The following FAM13C variants were observed in gnomAD, a reference collection of about 807,000 sequenced individuals.
FAM13C encodes the protein protein FAM13C.
In FAM13C, 37 loss-of-function variants were observed where a neutral mutation model predicts 73.2. The ratio of observed to expected loss-of-function variants is 0.51; its 90% CI spans 0.39 to 0.67. The LOEUF (loss-of-function observed/expected upper bound fraction) is 0.67. Among genes scored for constraint, FAM13C ranks in the 30% least tolerant of loss-of-function variants. The pLI, the probability that FAM13C is intolerant of heterozygous loss-of-function variation, is 0.00. For synonymous variants in FAM13C, 246 were observed against 260.9 expected, an observed-to-expected ratio of 0.94 and a Z score of 0.55; for missense variants, 589 against 715.6, an observed-to-expected ratio of 0.82 and a Z score of 2.02.
intron 4 of FAM13C, among the ~76,000 whole-genome samples, chr10:59,318,193 C>T (rs58830850): frequency 0.01 from 1,540 of 151,988 alleles, 40 homozygotes; most frequent in African/African-American, 0.035. Flanking sequence ...GAGAATGTTT[C>T]TAAGTTTCCC....
At chr10:59,283,267 T>C (rs1845140145) in intron 6 of FAM13C, 96 bp downstream of exon 6, 3 of 1,324,190 alleles carry the variant, frequency 2.3e-6, no homozygotes, top group Non-Finnish European at 3.2e-6. Context: ...CCCCAGGCAC[T>C]GTTTTCCCTC....
intron 3 of FAM13C, among the ~76,000 whole-genome samples, chr10:59,331,767 T>C (rs1852020186): frequency 6.6e-6 from 1 of 152,112 alleles, no homozygotes; most frequent in Non-Finnish European, 1.5e-5. Flanking sequence ...GCTAAAAAGA[T>C]ATTAAAGAGA....
At chr10:59,291,702 T>A (rs1846238799) in intron 5 of FAM13C, among the ~76,000 whole-genome samples, 2 of 152,206 alleles carry the variant, frequency 1.3e-5, no homozygotes, top group East Asian at 3.9e-4. Context: ...CACCTCATTA[T>A]GATATCCTTG....
chr10:59,288,337 T>C (rs563749038), intron 5 of FAM13C, among the ~76,000 whole-genome samples: 57 of 152,158 alleles, frequency 3.7e-4, no homozygotes, highest in South Asian at 1.5e-3. Flanking sequence ...ACTAAAAATA[T>C]AAAACTTTAG....
chr10:59,256,489 G>A (rs1370610077), intron 10 of FAM13C, among the ~76,000 whole-genome samples: 1 of 152,168 alleles, frequency 6.6e-6, no homozygotes, highest in Admixed American at 6.5e-5. Flanking sequence ...TCGGGAACAA[G>A]TACAATGTAT....
At chr10:59,329,425 T>C (rs1294066520) in intron 3 of FAM13C, among the ~76,000 whole-genome samples, 1 of 138,844 alleles carries the variant, frequency 7.2e-6, no homozygotes, top group Non-Finnish European at 1.5e-5. Flanking sequence ...AATGATACGA[T>C]CTCGACTCAC....
At chr10:59,319,681 T>A (rs923556077) in intron 4 of FAM13C, among the ~76,000 whole-genome samples, 13 of 152,170 alleles carry the variant, frequency 8.5e-5, no homozygotes, top group African/African-American at 3.1e-4. Context: ...CTTGGTTCTA[T>A]TAGTAAGGGA....
At position 59,268,607 on chromosome 10, in the gene FAM13C, G is replaced by A; in HGVS notation, c.888C>T (p.Leu296=). 6.2e-7 allele frequency: 1 copy of A among 1,613,760 alleles called. No homozygotes were observed. Among genetic ancestry groups the A allele is most frequent in the Non-Finnish European group, 8.5e-7 (1 of 1,179,824 alleles). Residue 296 remains leucine, a synonymous_variant, in exon 8 of 14, where the codon CTC becomes CTT. Transcript: ENST00000618804. ...CTTCAAATTTCCGAATTTTCCGCTT[G>A]AGGCTCTGGATGTGCTTGGTGAGCT... is the stretch of plus-strand genomic sequence containing the variant. The part of the protein sequence containing the change: ...ITQLTKHIQS[L]KRKIRKFEEK...
upstream of FAM13C, chr10:59,362,807 C>G (rs1186530490): frequency 1.8e-5 from 6 of 340,616 alleles, no homozygotes; most frequent in Non-Finnish European, 3.2e-5. Flanking sequence ...GTGCCAGCCA[C>G]CCCCCGAGGC....
chr10:59,296,246 G>A (rs1308311841), intron 5 of FAM13C, among the ~76,000 whole-genome samples: 1 of 152,164 alleles, frequency 6.6e-6, no homozygotes, highest in African/African-American at 2.4e-5. Flanking sequence ...ATGATAAACT[G>A]TGGATGCAAT....
intron 3 of FAM13C, among the ~76,000 whole-genome samples, chr10:59,351,279 C>T (rs999515709): frequency 2.7e-5 from 4 of 146,078 alleles, no homozygotes; most frequent in African/African-American, 1.0e-4. Context: ...TTGTAGTGAC[C>T]TGAGATTGTG....
At chr10:59,286,674 G>A (rs1406520581) in intron 5 of FAM13C, among the ~76,000 whole-genome samples, 1 of 151,386 alleles carries the variant, frequency 6.6e-6, no homozygotes, top group Non-Finnish European at 1.5e-5. Flanking sequence ...TTCTGGAGAT[G>A]GATGGTAGTG....
intron 8 of FAM13C, among the ~76,000 whole-genome samples, chr10:59,264,676 A>G (rs1357776538): frequency 2.0e-5 from 3 of 152,218 alleles, no homozygotes; most frequent in South Asian, 4.1e-4. Context: ...TATCAGTTAT[A>G]TCCTCTAAGC....
At chr10:59,247,926 G>GT (rs1366397911) in intron 13 of FAM13C, among the ~76,000 whole-genome samples, 189 bp from the exon 14 acceptor site, 1 of 151,934 alleles carries the variant, frequency 6.6e-6, no homozygotes, top group Non-Finnish European at 1.5e-5. Flanking sequence ...CTAAATAATA[G>GT]TAACCTTTGA....
At chr10:59,310,358 A>G (rs957972936) in intron 4 of FAM13C, among the ~76,000 whole-genome samples, 2 of 152,228 alleles carry the variant, frequency 1.3e-5, no homozygotes, top group Admixed American at 6.5e-5. Flanking sequence ...CATGTTTTAT[A>G]TACAAACAAT....
intron 4 of FAM13C, among the ~76,000 whole-genome samples, chr10:59,313,392 G>C (rs1426129291): frequency 6.6e-6 from 1 of 152,176 alleles, no homozygotes; most frequent in East Asian, 1.9e-4. Context: ...GGTCTCCTTT[G>C]TTGCACACGA....
rs748868878 is a variant in FAM13C at position 59,262,470 on chromosome 10, C to G, written c.1200G>C (p.Glu400Asp). 1.2e-6 allele frequency: 2 copies of G among 1,613,590 alleles called. No individual in the cohort carries two copies. Among genetic ancestry groups the G allele is most frequent in the Non-Finnish European group, 1.7e-6 (2 of 1,179,756 alleles). The change falls in exon 10 of 14, where the codon GAG becomes GAC. Residue 400 changes from glutamate (E) to aspartate (D), a missense_variant. Glu to Asp is a conservative substitution (Grantham distance 45). Coordinates refer to ENST00000618804, the MANE Select transcript of FAM13C (RefSeq NM_198215.4). ...CCTGGGGAGGAAGTTGCTCTCTTCT[C>G]TCCTTCAGGCATGTCAAGGCAGCAT... ...TPDAALTCLKERREQLPPQED... is the reference protein window; with the variant it reads ...TPDAALTCLKDRREQLPPQED...
chr10:59,252,878 C>A lies in FAM13C; in HGVS notation c.1453G>T (p.Val485Phe). 6.2e-7 allele frequency: 1 copy of A among 1,614,122 alleles called. No homozygotes were observed. The highest frequency in any genetic ancestry group is 1.1e-5 in the South Asian group (1 of 91,084). The change falls in exon 12 of 14, where the codon GTT becomes TTT. Residue 485 changes from valine (V) to phenylalanine (F), a missense_variant. Val to Phe is a conservative substitution (Grantham distance 50). Transcript: ENST00000618804. ...TTTTCATCTGGTAAAAGGGCCCTAACAGGCTCAGTCTCATTAGAGTAGGTG... is the reference window on the plus strand; with the variant it reads ...TTTTCATCTGGTAAAAGGGCCCTAAAAGGCTCAGTCTCATTAGAGTAGGTG... ...HLTYSNETEP[V>F]RALLPDEKKE...
At chr10:59,353,454 C>G (rs1451698275) in intron 2 of FAM13C, among the ~76,000 whole-genome samples, 1 of 152,166 alleles carries the variant, frequency 6.6e-6, no homozygotes, top group South Asian at 2.1e-4. Flanking sequence ...GAAGTGGCCG[C>G]TTCCTTCAGG....
Sources: gnomAD v4.1 joint callset for allele counts (sites outside exome capture counted in the v4.1 genomes callset) on GRCh38, gnomAD v4.1.1 for gene constraint, MANE v1.5 for transcripts, NCBI Gene and HGNC (gene_info 2026-07-23, HGNC 2026-07-21) for gene names.